SLC24A1: variants seen among roughly 807,000 people sequenced by gnomAD.
SLC24A1 encodes the protein solute carrier family 24 member 1, also known as sodium/potassium/calcium exchanger 1.
A neutral mutation model predicts 88.1 loss-of-function variants in SLC24A1; 52 were observed. The ratio of observed to expected loss-of-function variants is 0.59; its 90% CI spans 0.47 to 0.74. The LOEUF is 0.74. Among genes scored for constraint, SLC24A1 ranks in the 30% least tolerant of loss-of-function variants. The probability of loss-of-function intolerance (pLI) is 0.00; values close to 1 mark genes in which losing one functional copy is unlikely to be tolerated. For missense variants in SLC24A1, 1,173 were observed against 1,363.3 expected (o/e 0.86, Z 2.20); for synonymous variants, 455 against 498.0 (o/e 0.91, Z 1.15).
intron 2 of SLC24A1, among the ~76,000 whole-genome samples, chr15:65,634,683 T>G (rs1221002401): frequency 2.0e-5 from 3 of 150,956 alleles, no homozygotes; most frequent in Non-Finnish European, 2.9e-5. Flanking sequence ...TTGACCTCAT[T>G]TCCTTATTTA....
At chr15:65,638,272 A>G (rs2075007094) in intron 3 of SLC24A1, 91 bp downstream of exon 3, 1 of 939,062 alleles carries the variant, frequency 1.1e-6, no homozygotes, top group African/African-American at 1.6e-5. Context: ...TGTGCTGGGG[A>G]CCCTGGCTGT....
chr15:65,615,072 G>A (rs983386455), intron 2 of SLC24A1, among the ~76,000 whole-genome samples: 4 of 152,040 alleles, frequency 2.6e-5, no homozygotes, highest in African/African-American at 9.7e-5. Flanking sequence ...AATTAACCAG[G>A]TGTGGTGGTG....
At chr15:65,622,688 A>C (rs1382839048) in intron 1 of SLC24A1, among the ~76,000 whole-genome samples, 1 of 151,540 alleles carries the variant, frequency 6.6e-6, no homozygotes, top group East Asian at 1.9e-4. Context: ...AGGGCCTTTC[A>C]TGTTCTTCCC....
At chr15:65,659,825 C>T (rs770962425), downstream of SLC24A1, 1 of 153,226 alleles carries the variant, frequency 6.5e-6, no homozygotes, top group African/African-American at 2.4e-5. Context: ...ATTACATTCG[C>T]TTTTCCAAAT....
At chr15:65,646,713 AAT>A (rs955501829) in intron 6 of SLC24A1, among the ~76,000 whole-genome samples, 2 of 152,152 alleles carry the variant, frequency 1.3e-5, no homozygotes, top group African/African-American at 4.8e-5. Flanking sequence ...CAGCTGGCTC[AAT>A]ATATGTTGAG....
At chr15:65,652,954 C>A in intron 9 of SLC24A1, 146 bp downstream of exon 9, 1 of 611,354 alleles carries the variant, frequency 1.6e-6, no homozygotes, top group Non-Finnish European at 2.7e-6. Context: ...AACAAAATAT[C>A]TTCCCTTCAT....
intron 2 of SLC24A1, among the ~76,000 whole-genome samples, chr15:65,630,169 G>C (rs1692663366): frequency 6.6e-6 from 1 of 151,980 alleles, no homozygotes; most frequent in African/African-American, 2.4e-5. Flanking sequence ...GGAGGGGGAG[G>C]ATATGGAGGT....
At chr15:65,640,856 C>T (rs1037762959) in intron 4 of SLC24A1, among the ~76,000 whole-genome samples, 1 of 151,124 alleles carries the variant, frequency 6.6e-6, no homozygotes, top group Non-Finnish European at 1.5e-5. Context: ...CTCAGGAGTC[C>T]AAGACCAGCC....
intron 4 of SLC24A1, among the ~76,000 whole-genome samples, chr15:65,643,665 A>G (rs2075208415): frequency 6.6e-6 from 1 of 152,222 alleles, no homozygotes; most frequent in African/African-American, 2.4e-5. Context: ...CCAGTTAAAG[A>G]GAGTTGCCTG....
At position 65,624,685 on chromosome 15, in the gene SLC24A1, C is replaced by T. The variant is rs374754108; in HGVS notation, c.605C>T (p.Pro202Leu). 2.1e-5 allele frequency: 33 copies of T among 1,604,148 alleles called. No homozygotes were observed. Among genetic ancestry groups the T allele is most frequent in the Non-Finnish European group, 2.6e-5 (30 of 1,175,178 alleles). Residue 202 changes from proline to leucine, a missense_variant, in exon 2 of 10, where the codon CCG becomes CTG. Coordinates refer to ENST00000261892, the MANE Select transcript of SLC24A1 (RefSeq NM_004727.3). Reference sequence around the variant, plus strand: ...GGTAGAAGAGTAGGCACTTACGTGCCGTCCACATTCATGACAATGGAAACA... The same window carrying T: ...GGTAGAAGAGTAGGCACTTACGTGCTGTCCACATTCATGACAATGGAAACA... ...PRGRRVGTYV[P>L]STFMTMETSH... is the part of the protein sequence containing the mutation.
Position 65,655,090 on chromosome 15 carries a change from T to C in SLC24A1, c.*1011T>C. 3 of 1,014,080 alleles carry C rather than the reference T, an allele frequency of 3.0e-6. No homozygotes were observed. Among genetic ancestry groups the C allele is most frequent in the Non-Finnish European group, 2.4e-6 (2 of 847,086 alleles). 62.8% of individuals were successfully genotyped at this position (1,014,080 alleles called of 1,614,324 possible). On this transcript the variant is annotated 3_prime_UTR_variant, in exon 10 of 10. Transcript: ENST00000261892. ...GTATGTATTTATTAGAACATGCAAA[T>C]TCATGTTGTCTCCATCAGTGGTCAC...
chr15:65,632,452 T>C (rs775490186), intron 2 of SLC24A1, among the ~76,000 whole-genome samples: 15 of 151,968 alleles, frequency 9.9e-5, no homozygotes, highest in Non-Finnish European at 1.8e-4. Context: ...AATAGTGAGT[T>C]TGGGTGCTTA....
chr15:65,646,357 A>G (rs576595807), intron 6 of SLC24A1, among the ~76,000 whole-genome samples: 23 of 152,080 alleles, frequency 1.5e-4, no homozygotes, highest in African/African-American at 2.4e-4. Context: ...GATTATAGGC[A>G]TGAGCCACCA....
chr15:65,646,692 T>A (rs191967096), intron 6 of SLC24A1, among the ~76,000 whole-genome samples: 2 of 152,254 alleles, frequency 1.3e-5, no homozygotes, highest in East Asian at 3.9e-4. Flanking sequence ...GGAAGCAGAA[T>A]GCCTGGTGCA....
In SLC24A1 at chr15:65,654,813, C is replaced by G; in HGVS notation, c.*734C>G. 3 of 1,040,876 alleles carry G rather than the reference C, an allele frequency of 2.9e-6. No homozygotes were observed. Among genetic ancestry groups the G allele is most frequent in the Non-Finnish European group, 3.8e-6 (3 of 784,458 alleles). The allele number at this position is 1,040,876 out of a possible 1,614,324, so 64.5% of individuals were successfully genotyped here. On this transcript the variant is annotated 3_prime_UTR_variant, in exon 10 of 10. Coordinates refer to ENST00000261892, the MANE Select transcript of SLC24A1 (RefSeq NM_004727.3). Reference sequence around the variant, plus strand: ...CTTCACCTCCCCGGTTCAAGCAATTCTCCTGCCTCAGCCTGAAGTCGTGAT... The same window carrying G: ...CTTCACCTCCCCGGTTCAAGCAATTGTCCTGCCTCAGCCTGAAGTCGTGAT...
At position 65,624,619 on chromosome 15, in the gene SLC24A1, C is replaced by A. The variant is rs1275712201; in HGVS notation, c.539C>A (p.Thr180Asn). Reference sequence around the variant, plus strand: ...GGAGAAATGAAGAGCTACAGCCCAACTCAAGTGAGGGAAAAGGTGAAGTAT... The same window carrying A: ...GGAGAAATGAAGAGCTACAGCCCAAATCAAGTGAGGGAAAAGGTGAAGTAT... The part of the protein sequence containing the change: ...PRGEMKSYSP[T>N]QVREKVKYTP... Residue 180 changes from threonine to asparagine, a missense_variant, in exon 2 of 10, where the codon ACT (threonine) becomes AAT (asparagine). Thr to Asn is a moderately conservative substitution (Grantham distance 65). Transcript: ENST00000261892. 6.3e-7 allele frequency: 1 copy of A among 1,594,166 alleles called. No individual in the cohort carries two copies. The highest frequency in any genetic ancestry group is 8.5e-7 in the Non-Finnish European group (1 of 1,170,356).
chr15:65,636,069 T>A (rs1356227025), intron 2 of SLC24A1, among the ~76,000 whole-genome samples: 1 of 152,196 alleles, frequency 6.6e-6, no homozygotes, highest in Non-Finnish European at 1.5e-5. Context: ...AGTTCAATTC[T>A]GGTTTAGCCA....
At chr15:65,611,927 C>T (rs1267793299) in intron 1 of SLC24A1, 1 of 152,262 alleles carries the variant, frequency 6.6e-6, no homozygotes, top group Non-Finnish European at 1.5e-5. Context: ...TCCTTCTTAG[C>T]TGACCTGAGC....
At chr15:65,619,542 T>TA (rs1005672321), upstream of SLC24A1, among the ~76,000 whole-genome samples, 59 of 142,412 alleles carry the variant, frequency 4.1e-4, no homozygotes, top group South Asian at 1.3e-3. Flanking sequence ...TCTGCCAGAT[T>TA]AAAAAAAAAA....
Sources: gnomAD v4.1 joint callset for allele counts (sites outside exome capture counted in the v4.1 genomes callset) on GRCh38, gnomAD v4.1.1 for gene constraint, MANE v1.5 for transcripts, NCBI Gene and HGNC (gene_info 2026-07-23, HGNC 2026-07-21) for gene names.